Variants in TRAIP observed in about 807,000 individuals in gnomAD.
TRAIP encodes TRAF interacting protein.
In TRAIP, 37 loss-of-function variants were observed where a neutral mutation model predicts 65.0. The observed-to-expected ratio is 0.57, with a 90% CI of 0.44 to 0.75. The LOEUF is 0.75. Ranked by LOEUF, TRAIP falls within the 30% of genes least tolerant of loss-of-function variation. The pLI is 0.00. For missense variants in TRAIP, 481 were observed against 579.4 expected (o/e 0.83, Z 1.74); for synonymous variants, 187 against 219.1 (o/e 0.85, Z 1.29).
intron 10 of TRAIP, among the ~76,000 whole-genome samples, chr3:49,833,281 G>A (rs927548281): frequency 6.6e-6 from 1 of 152,106 alleles, no homozygotes; most frequent in Non-Finnish European, 1.5e-5. Context: ...GTGGCTCAAG[G>A]CAGGACTTTC....
At chr3:49,840,697 C>T (rs2081831705) in intron 8 of TRAIP, 3 of 572,108 alleles carry the variant, frequency 5.2e-6, no homozygotes, top group Admixed American at 3.1e-5. Flanking sequence ...ACATTTGAGG[C>T]CTGTGCTCTC....
At chr3:49,844,669 T>A (rs1012503823) in intron 3 of TRAIP, 89 bp from the exon 4 acceptor site, 140 of 1,501,186 alleles carry the variant, frequency 9.3e-5, no homozygotes, top group Non-Finnish European at 1.1e-4. Context: ...AGCCCCAGGA[T>A]TGAACAATGA....
At chr3:49,841,618 A>C (rs2081840122) in intron 7 of TRAIP, among the ~76,000 whole-genome samples, 1 of 152,254 alleles carries the variant, frequency 6.6e-6, no homozygotes, top group Non-Finnish European at 1.5e-5. Flanking sequence ...TACTATTTCC[A>C]TTCAGGAAGT....
Position 49,841,747 on chromosome 3 carries a change from CA to C in TRAIP, c.617+78del, listed in dbSNP as rs2081841156. On this transcript the variant is annotated intron_variant, in intron 7 of 14. Coordinates refer to ENST00000331456, the MANE Select transcript of TRAIP (RefSeq NM_005879.3). ...TTGCCCCTTAGTTCCATCTGCTTTA[CA>C]AGAGATGGGGAGCAATGACACGGCT... The C allele has an allele frequency of 8.7e-6, 10 of 1,148,700 alleles. No individual in the cohort carries two copies. The South Asian group carries it at 1.2e-4, about 13-fold the overall frequency. 71.2% of individuals were successfully genotyped at this position (1,148,700 alleles called of 1,614,324 possible).
At chr3:49,849,579 T>A (rs2081913788) in intron 1 of TRAIP, among the ~76,000 whole-genome samples, 1 of 151,762 alleles carries the variant, frequency 6.6e-6, no homozygotes, top group Non-Finnish European at 1.5e-5. Context: ...GAGCTGAGAT[T>A]GTGCCACTAC....
rs569287145 is a variant in TRAIP at position 49,844,486 on chromosome 3, C to T, written c.280+55G>A. The T allele has an allele frequency of 4.4e-6, 7 of 1,602,136 alleles. No individual in the cohort carries two copies. The Admixed American group carries it at 8.4e-5, about 19-fold the overall frequency. On this transcript the variant is annotated intron_variant, in intron 4 of 14. Coordinates refer to ENST00000331456, the MANE Select transcript of TRAIP (RefSeq NM_005879.3). Reference sequence around the variant, plus strand: ...GAAACCTTCCTCCTAGGGCCCCCTTCCTCCAGCATCCAAGTCAGGGGCTTC... The same window carrying T: ...GAAACCTTCCTCCTAGGGCCCCCTTTCTCCAGCATCCAAGTCAGGGGCTTC...
At chr3:49,842,405 C>G in intron 6 of TRAIP, 48 bp downstream of exon 6, 1 of 1,574,808 alleles carries the variant, frequency 6.3e-7, no homozygotes, top group Non-Finnish European at 8.7e-7. Flanking sequence ...GTACCACTTG[C>G]AGGCCCTGGG....
At chr3:49,833,483 C>CTT (rs113973983) in intron 10 of TRAIP, among the ~76,000 whole-genome samples, 1,887 of 143,840 alleles carry the variant, frequency 0.013, 42 homozygotes, top group African/African-American at 0.045. Flanking sequence ...TAGACTGTTT[C>CTT]TTTTTTTTTT....
intron 14 of TRAIP, 59 bp downstream of exon 14, chr3:49,829,399 G>A (rs1447653737): frequency 1.2e-6 from 2 of 1,613,348 alleles, no homozygotes; most frequent in South Asian, 1.1e-5. Context: ...GGGGGTATAG[G>A]TGAGGCATAG....
chr3:49,846,265 T>C (rs1242977411), intron 3 of TRAIP, among the ~76,000 whole-genome samples: 3 of 152,086 alleles, frequency 2.0e-5, no homozygotes, highest in Admixed American at 6.6e-5. Flanking sequence ...TGGGGTCCCA[T>C]GTTGCTCAGG....
At position 49,848,340 on chromosome 3, in the gene TRAIP, A is replaced by T. The variant is rs757887159; in HGVS notation, c.99-140T>A. 2.8e-4 allele frequency: 242 copies of T among 862,248 alleles called. 1 individual carries two copies. The highest frequency in any genetic ancestry group is 3.0e-4 in the Non-Finnish European group (161 of 536,406). The allele number at this position is 862,248 out of a possible 1,614,324, so 53.4% of individuals were successfully genotyped here. Reference sequence around the variant, plus strand: ...TGCCCAAATAAGAGGACAGTAGCATAGGCAGTTACAGCACCTCCCGCAAGG... The same window carrying T: ...TGCCCAAATAAGAGGACAGTAGCATTGGCAGTTACAGCACCTCCCGCAAGG... On this transcript the variant is annotated intron_variant, in intron 1 of 14. Transcript: ENST00000331456.
intron 10 of TRAIP, 192 bp downstream of exon 10, chr3:49,839,580 C>T: frequency 1.7e-6 from 1 of 603,964 alleles, no homozygotes; most frequent in Non-Finnish European, 3.0e-6. Context: ...CCTTCTCTGG[C>T]CTCTCCGTGT....
At position 49,829,056 on chromosome 3, in the gene TRAIP, C is replaced by A; in HGVS notation, c.*47G>T. The A allele has an allele frequency of 6.2e-7, 1 of 1,613,838 alleles. No homozygotes were observed. Among genetic ancestry groups the A allele is most frequent in the Non-Finnish European group, 8.5e-7 (1 of 1,179,834 alleles). ...AACCCCTGCCTGGACAGTCCTTGACCTACAAGTTGCAGGCATGTGTCTGGC... is the reference window on the plus strand; with the variant it reads ...AACCCCTGCCTGGACAGTCCTTGACATACAAGTTGCAGGCATGTGTCTGGC... On this transcript the variant is annotated 3_prime_UTR_variant, in exon 15 of 15. Coordinates refer to ENST00000331456, the MANE Select transcript of TRAIP (RefSeq NM_005879.3).
intron 10 of TRAIP, among the ~76,000 whole-genome samples, chr3:49,832,897 C>T (rs2081748829): frequency 6.6e-6 from 1 of 152,102 alleles, no homozygotes; most frequent in African/African-American, 2.4e-5. Context: ...CAGAGCTGCA[C>T]CACAATCCCA....
chr3:49,853,990 CAA>C (rs779093059), intron 1 of TRAIP, among the ~76,000 whole-genome samples: 9 of 134,390 alleles, frequency 6.7e-5, no homozygotes, highest in Non-Finnish European at 6.5e-5. Flanking sequence ...GATCCTGTTT[CAA>C]AAAAAAAAAA....
At position 49,829,602 on chromosome 3, in the gene TRAIP, G is replaced by A. The variant is rs1219329395; in HGVS notation, c.1236+15C>T. Reference sequence around the variant, plus strand: ...AAGAGGGCTGGCTCCTGCCACTGTGGGAAGCCACACTCACCACATCTTTGC... The same window carrying A: ...AAGAGGGCTGGCTCCTGCCACTGTGAGAAGCCACACTCACCACATCTTTGC... On this transcript the variant is annotated intron_variant, in intron 13 of 14. Transcript: ENST00000331456. The A allele has an allele frequency of 1.2e-6, 2 of 1,614,186 alleles. No homozygotes were observed. The highest frequency in any genetic ancestry group is 2.2e-5 in the South Asian group (2 of 91,086).
chr3:49,848,114 T>C (rs2081901391), intron 2 of TRAIP, 29 bp downstream of exon 2: 2 of 1,613,176 alleles, frequency 1.2e-6, no homozygotes, highest in South Asian at 1.1e-5. Flanking sequence ...ATCTCTTCAG[T>C]TGAGGTGGTC....
Position 49,832,063 on chromosome 3 carries a change from G to A in TRAIP, c.890C>T (p.Ala297Val), listed in dbSNP as rs745711936. The change falls in exon 11 of 15, where the codon GCC (alanine) becomes GTC (valine). Residue 297 changes from alanine (A) to valine (V), a missense_variant. By Grantham distance (64) the Ala-to-Val change is moderately conservative (BLOSUM62 0). Coordinates refer to ENST00000331456, the MANE Select transcript of TRAIP (RefSeq NM_005879.3). The part of the protein sequence containing the change: ...TVDRLVLESP[A>V]PVEVNLKLRR... ...GAGCTTCAGATTCACCTCCACAGGG[G>A]CTGGGCTGAAGGCAGAGATGACCTG... The A allele has an allele frequency of 6.3e-7, 1 of 1,588,690 alleles. No individual in the cohort carries two copies. Among genetic ancestry groups the A allele is most frequent in the East Asian group, 2.3e-5 (1 of 42,942 alleles).
At chr3:49,830,326 G>C (rs578115770) in intron 11 of TRAIP, among the ~76,000 whole-genome samples, 1 of 152,156 alleles carries the variant, frequency 6.6e-6, no homozygotes, top group Non-Finnish European at 1.5e-5. Context: ...TCCACTCAAG[G>C]CCAAATTCCA....
Sources: allele counts gnomAD v4.1 joint callset (sites outside exome capture counted in the v4.1 genomes callset), GRCh38; gene constraint gnomAD v4.1.1; transcripts MANE v1.5; gene names NCBI Gene and HGNC (gene_info 2026-07-23, HGNC 2026-07-21).